CPLX2: variants seen among roughly 807,000 people sequenced by gnomAD.
CPLX2 encodes complexin-2.
In CPLX2, 5 loss-of-function variants were observed where a neutral mutation model predicts 16.3. The observed-to-expected ratio is 0.31, with a 90% CI of 0.16 to 0.64. The LOEUF (loss-of-function observed/expected upper bound fraction) is 0.64, where lower values mean the gene tolerates loss of function less well. Ranked by LOEUF, CPLX2 falls within the 30% of genes least tolerant of loss-of-function variation. The pLI is 0.79. For missense variants in CPLX2, 144 were observed against 181.4 expected, an observed-to-expected ratio of 0.79 and a Z score of 1.18; for synonymous variants, 89 against 73.2, an observed-to-expected ratio of 1.22 and a Z score of -1.10.
Position 175,879,914 on chromosome 5 carries a change from G to C in CPLX2, c.274G>C (p.Gly92Arg). 6.2e-7 allele frequency: 1 copy of C among 1,613,944 alleles called. No individual in the cohort carries two copies. The highest frequency in any genetic ancestry group is 1.1e-5 in the South Asian group (1 of 90,998). Residue 92 changes from glycine (G) to arginine (R), a missense_variant, in exon 4 of 4, where the codon GGG (glycine) becomes CGG (arginine). Physicochemically the swap from Gly to Arg is moderately radical, Grantham distance 125 (BLOSUM62 -2). Transcript: ENST00000393745. The part of the protein sequence containing the change: ...EKAALEQPCE[G>R]SLTRPKKAIP... Reference sequence around the variant, plus strand: ...AGCAGCCCTGGAGCAGCCCTGCGAGGGGAGCCTGACCCGGCCCAAGAAGGC... The same window carrying C: ...AGCAGCCCTGGAGCAGCCCTGCGAGCGGAGCCTGACCCGGCCCAAGAAGGC...
At chr5:175,875,363 A>G (rs1057185968) in intron 1 of CPLX2, among the ~76,000 whole-genome samples, 10 of 152,154 alleles carry the variant, frequency 6.6e-5, no homozygotes, top group South Asian at 4.1e-4. Flanking sequence ...TTCAGCCAGG[A>G]GAGGGCTTCT....
chr5:175,818,070 C>T (rs1273937021), intron 2 of CPLX2, among the ~76,000 whole-genome samples: 1 of 152,168 alleles, frequency 6.6e-6, no homozygotes, highest in Non-Finnish European at 1.5e-5. Context: ...GAATCCGTGG[C>T]CTTGACCTTG....
upstream of CPLX2, chr5:175,871,464 A>AGG (rs1759611373): frequency 4.3e-5 from 4 of 93,320 alleles, no homozygotes; most frequent in African/African-American, 1.0e-4. Context: ...AGAGAGAGAG[A>AGG]GAGAGAGAGA....
At chr5:175,807,365 G>A (rs768938433) in intron 1 of CPLX2, among the ~76,000 whole-genome samples, 39 of 152,176 alleles carry the variant, frequency 2.6e-4, no homozygotes, top group Non-Finnish European at 5.0e-4. Context: ...ACACAGAATT[G>A]TACCACCTCT....
At chr5:175,841,022 G>A (rs1758935253) in intron 2 of CPLX2, among the ~76,000 whole-genome samples, 2 of 152,202 alleles carry the variant, frequency 1.3e-5, no homozygotes, top group South Asian at 4.1e-4. Context: ...GGGAAACTGA[G>A]ATTTGAACTG....
Position 175,822,388 on chromosome 5 carries a change from C to G in CPLX2, c.-89+13320C>G, listed in dbSNP as rs193024913. On this transcript the variant is annotated intron_variant, in intron 2 of 4. Coordinates refer to the CPLX2 transcript ENST00000359546. ...GGTCTCAGCCCAGTGACTCAACTCT[C>G]TAAGCCTTCATTTCATCATCTGGAA... 1.6e-3 allele frequency among the ~76,000 whole-genome samples: 246 copies of G among 152,302 alleles called. 1 individual carries two copies. Among genetic ancestry groups the G allele is most frequent in the African/African-American group, 5.6e-3 (233 of 41,566 alleles).
At chr5:175,808,218 G>A (rs753078492) in intron 1 of CPLX2, among the ~76,000 whole-genome samples, 1 of 152,046 alleles carries the variant, frequency 6.6e-6, no homozygotes, top group Non-Finnish European at 1.5e-5. Context: ...CCCCCTCTCC[G>A]CATCAGTATT....
intron 2 of CPLX2, among the ~76,000 whole-genome samples, chr5:175,813,684 C>T (rs1334198568): frequency 6.6e-6 from 1 of 152,240 alleles, no homozygotes; most frequent in Non-Finnish European, 1.5e-5. Flanking sequence ...GCATCTCCCA[C>T]AAAGTGGGCA....
chr5:175,879,523 A>G (rs1374648520), intron 3 of CPLX2, among the ~76,000 whole-genome samples: 1 of 152,246 alleles, frequency 6.6e-6, no homozygotes, highest in African/African-American at 2.4e-5. Flanking sequence ...GTAGTCTTCC[A>G]TTGGTTCAAG....
intron 3 of CPLX2, 113 bp downstream of exon 3, chr5:175,879,196 T>C: frequency 9.6e-6 from 11 of 1,149,446 alleles, no homozygotes; most frequent in Non-Finnish European, 1.3e-5. Context: ...TCGCCCTAGT[T>C]CTGAGCCTCA....
At chr5:175,827,675 G>C (rs760921638) in intron 2 of CPLX2, among the ~76,000 whole-genome samples, 1 of 152,142 alleles carries the variant, frequency 6.6e-6, no homozygotes, top group Non-Finnish European at 1.5e-5. Flanking sequence ...CAGGAGAATC[G>C]CTTGAACACA....
At chr5:175,875,653 C>A (rs541128312) in intron 1 of CPLX2, among the ~76,000 whole-genome samples, 1 of 152,206 alleles carries the variant, frequency 6.6e-6, no homozygotes, top group African/African-American at 2.4e-5. Flanking sequence ...CTTATACTTT[C>A]GCCCGTGAAG....
intron 2 of CPLX2, among the ~76,000 whole-genome samples, chr5:175,851,121 G>C (rs537785861): frequency 2.0e-5 from 3 of 152,044 alleles, no homozygotes; most frequent in Non-Finnish European, 4.4e-5. Context: ...TGCGTGTGAG[G>C]AGCCTGTGGA....
chr5:175,858,255 G>A (rs966520819), intron 2 of CPLX2, among the ~76,000 whole-genome samples: 2 of 152,224 alleles, frequency 1.3e-5, no homozygotes, highest in African/African-American at 2.4e-5. Context: ...ACTGGGAATC[G>A]TGAGCTGGTG....
At chr5:175,805,866 C>G (rs1328653436) in intron 1 of CPLX2, among the ~76,000 whole-genome samples, 1 of 152,174 alleles carries the variant, frequency 6.6e-6, no homozygotes. Context: ...GCCACAGACG[C>G]CCATGTCACC....
intron 2 of CPLX2, among the ~76,000 whole-genome samples, chr5:175,838,845 T>C (rs1758892796): frequency 1.3e-5 from 2 of 152,168 alleles, no homozygotes; most frequent in Non-Finnish European, 2.9e-5. Flanking sequence ...CAACTAAAAA[T>C]AGAATCCCAT....
intron 2 of CPLX2, among the ~76,000 whole-genome samples, chr5:175,856,047 T>C (rs905477986): frequency 2.6e-5 from 4 of 152,118 alleles, no homozygotes; most frequent in Admixed American, 6.5e-5. Flanking sequence ...CATGCAGACA[T>C]CCTGGTTCCA....
chr5:175,819,364 G>GC (rs1191722051), intron 2 of CPLX2, among the ~76,000 whole-genome samples: 1 of 152,186 alleles, frequency 6.6e-6, no homozygotes, highest in African/African-American at 2.4e-5. Flanking sequence ...CCCTACTGTA[G>GC]CTACTTGGTG....
Position 175,880,160 on chromosome 5 carries a change from C to A in CPLX2, c.*115C>A. The A allele has an allele frequency of 8.7e-7, 1 of 1,151,064 alleles. No homozygotes were observed. Among genetic ancestry groups the A allele is most frequent in the Non-Finnish European group, 1.3e-6 (1 of 782,026 alleles). The allele number at this position is 1,151,064 out of a possible 1,614,324, so 71.3% of individuals were successfully genotyped here. A position where few individuals can be genotyped will look rare whatever the true frequency, so the allele number is the denominator to read the frequency against. Reference sequence around the variant, plus strand: ...GGGGAAAACCTCAGTTGGCCTCTGCCCCTCTTCCCTGGCCAGGGGCTTCTC... The same window carrying A: ...GGGGAAAACCTCAGTTGGCCTCTGCACCTCTTCCCTGGCCAGGGGCTTCTC... On this transcript the variant is annotated 3_prime_UTR_variant, in exon 4 of 4. Transcript: ENST00000393745.
Sources: allele counts gnomAD v4.1 joint callset (sites outside exome capture counted in the v4.1 genomes callset), GRCh38; gene constraint gnomAD v4.1.1; transcripts MANE v1.5; gene names NCBI Gene and HGNC (gene_info 2026-07-23, HGNC 2026-07-21).